CTH: variants seen among roughly 807,000 people sequenced by gnomAD.
The protein encoded by CTH is cystathionase (cystathionine gamma-lyase).
In CTH, 41 loss-of-function variants were observed where a neutral mutation model predicts 50.6. The observed-to-expected ratio is 0.81, with a 90% CI of 0.63 to 1.05. The LOEUF is 1.05. Ranked by LOEUF, CTH falls within the 50% of genes least tolerant of loss-of-function variation. CTH has a pLI of 0.00. For missense variants in CTH, 470 were observed against 492.6 expected, an observed-to-expected ratio of 0.95 and a Z score of 0.43; for synonymous variants, 156 against 168.9, an observed-to-expected ratio of 0.92 and a Z score of 0.59.
intron 1 of CTH, among the ~76,000 whole-genome samples, chr1:70,414,822 A>AT (rs1557460795): frequency 2.6e-4 from 36 of 139,646 alleles, no homozygotes; most frequent in African/African-American, 7.2e-4. Context: ...AGAATAATGC[A>AT]ATTTTTTTTT....
intron 2 of CTH, among the ~76,000 whole-genome samples, chr1:70,417,578 C>T (rs1011995579): frequency 6.6e-6 from 1 of 152,194 alleles, no homozygotes; most frequent in Non-Finnish European, 1.5e-5. Flanking sequence ...AGCCACCACG[C>T]CTGCCCTGAA....
At chr1:70,421,802 C>G in intron 4 of CTH, 127 bp downstream of exon 4, 1 of 945,710 alleles carries the variant, frequency 1.1e-6, no homozygotes, top group Non-Finnish European at 1.7e-6. Flanking sequence ...GAAACATCAA[C>G]AAAATTAAGA....
intron 4 of CTH, 112 bp downstream of exon 4, chr1:70,421,787 C>T: frequency 3.7e-6 from 4 of 1,076,284 alleles, no homozygotes; most frequent in Non-Finnish European, 5.6e-6. Flanking sequence ...TATTTTATGC[C>T]ATTGGAAACA....
rs150752365 is a variant in CTH at position 70,417,880 on chromosome 1, G to A, written c.251-57G>A. On this transcript the variant is annotated intron_variant, in intron 2 of 11. Transcript: ENST00000370938. The stretch of plus-strand genomic sequence containing the variant: ...GTAAGTCAGGTAAATACTTGGAGGT[G>A]TGTTGTAACCTATAGGCCTGACTTT... 4 of 1,587,798 alleles carry A rather than the reference G, an allele frequency of 2.5e-6. No homozygotes were observed. In the African/African-American group the frequency reaches 4.0e-5, roughly 16 times the overall value.
chr1:70,429,960 C>A, intron 6 of CTH, 109 bp downstream of exon 6: 1 of 789,906 alleles, frequency 1.3e-6, no homozygotes, highest in Non-Finnish European at 2.1e-6. Context: ...TCCTGTGACT[C>A]ATAGAGAGAG....
intron 4 of CTH, 105 bp downstream of exon 4, chr1:70,421,780 T>C (rs1684227795): frequency 8.4e-7 from 1 of 1,184,790 alleles, no homozygotes; most frequent in Non-Finnish European, 1.2e-6. Context: ...CAAATTTTAT[T>C]TTATGCCATT....
chr1:70,437,225 A>T (rs1395065165), intron 10 of CTH, among the ~76,000 whole-genome samples: 1 of 152,184 alleles, frequency 6.6e-6, no homozygotes, highest in Non-Finnish European at 1.5e-5. Flanking sequence ...GGGGAAAAAA[A>T]TCCCTAAGCT....
Position 70,411,547 on chromosome 1 carries a change from C to T in CTH, c.132C>T (p.Ser44=). The part of the protein sequence containing the change: ...SRAVVPPISL[S]TTFKQGAPGQ... ...CTGTAGTGCCCCCCATCTCACTGTC[C>T]ACCACGTTCAAGCAAGGGGCGCCTG... is the stretch of plus-strand genomic sequence containing the variant. The change falls in exon 1 of 12, where the codon TCC becomes TCT. Residue 44 remains serine, a synonymous_variant. Transcript: ENST00000370938. The T allele has an allele frequency of 1.2e-6, 2 of 1,614,110 alleles. No homozygotes were observed. The highest frequency in any genetic ancestry group is 1.7e-6 in the Non-Finnish European group (2 of 1,179,996).
At chr1:70,427,224 G>A (rs770856641) in intron 5 of CTH, among the ~76,000 whole-genome samples, 11 of 152,138 alleles carry the variant, frequency 7.2e-5, no homozygotes, top group Non-Finnish European at 1.5e-4. Context: ...AGGCAAAATA[G>A]ACCTACCATC....
chr1:70,425,255 G>T (rs1253582001), intron 5 of CTH, among the ~76,000 whole-genome samples: 1 of 152,058 alleles, frequency 6.6e-6, no homozygotes, highest in Admixed American at 6.6e-5. Context: ...CATTATAGCT[G>T]TAAGTATTTA....
At chr1:70,423,812 A>G (rs993896024) in intron 4 of CTH, among the ~76,000 whole-genome samples, 3 of 152,116 alleles carry the variant, frequency 2.0e-5, no homozygotes, top group Admixed American at 1.3e-4. Context: ...CTTATTCTAT[A>G]GTTTCTAGAG....
chr1:70,431,682 A>G (rs560913173), intron 7 of CTH, among the ~76,000 whole-genome samples: 2 of 152,338 alleles, frequency 1.3e-5, no homozygotes, highest in African/African-American at 4.8e-5. Flanking sequence ...GCTAAATAGA[A>G]TATTAGTAGA....
intron 1 of CTH, among the ~76,000 whole-genome samples, chr1:70,415,400 T>C (rs1424502899): frequency 6.6e-6 from 1 of 150,964 alleles, no homozygotes; most frequent in African/African-American, 2.5e-5. Context: ...TGAGGTCCTA[T>C]CCTTAAAAAA....
At chr1:70,429,146 C>A (rs1285462757) in intron 5 of CTH, among the ~76,000 whole-genome samples, 1 of 152,140 alleles carries the variant, frequency 6.6e-6, no homozygotes, top group African/African-American at 2.4e-5. Context: ...ATGGTTGTTA[C>A]ACTATATTGT....
chr1:70,417,820 C>A, intron 2 of CTH, 117 bp from the exon 3 acceptor site: 1 of 1,023,520 alleles, frequency 9.8e-7, no homozygotes, highest in Non-Finnish European at 1.5e-6. Context: ...GGGCCTCTAG[C>A]AACTCAGCAG....
At chr1:70,411,607 G>C in intron 1 of CTH, 24 bp downstream of exon 1, 1 of 1,606,980 alleles carries the variant, frequency 6.2e-7, no homozygotes, top group East Asian at 2.2e-5. Context: ...GTCTGGGGCT[G>C]TCCACAGTTG....
At chr1:70,424,489 C>T in intron 5 of CTH, 73 bp downstream of exon 5, 1 of 1,598,536 alleles carries the variant, frequency 6.3e-7, no homozygotes, top group South Asian at 1.1e-5. Context: ...AAAGGACTTG[C>T]TTAAATTAAA....
chr1:70,427,221 A>G (rs747166932), intron 5 of CTH, among the ~76,000 whole-genome samples: 5 of 152,170 alleles, frequency 3.3e-5, no homozygotes, highest in Non-Finnish European at 5.9e-5. Flanking sequence ...GAAAGGCAAA[A>G]TAGACCTACC....
intron 3 of CTH, among the ~76,000 whole-genome samples, chr1:70,419,541 C>T (rs932066070): frequency 2.6e-5 from 4 of 152,132 alleles, no homozygotes; most frequent in African/African-American, 9.7e-5. Context: ...TGGTATCTCA[C>T]TGTGGTTTTG....
Sources: gnomAD v4.1 joint callset for allele counts (sites outside exome capture counted in the v4.1 genomes callset) on GRCh38, gnomAD v4.1.1 for gene constraint, MANE v1.5 for transcripts, NCBI Gene and HGNC (gene_info 2026-07-23, HGNC 2026-07-21) for gene names.